Variants in CTNNA2 observed in about 807,000 individuals in gnomAD.
CTNNA2 encodes the protein catenin alpha-2.
In CTNNA2, 42 loss-of-function variants were observed where a neutral mutation model predicts 101.0. The ratio of observed to expected loss-of-function variants is 0.42; its 90% CI spans 0.32 to 0.54. The LOEUF (loss-of-function observed/expected upper bound fraction) is 0.54. CTNNA2 is among the 20% of genes least tolerant of loss of function. The probability of loss-of-function intolerance (pLI) is 0.14; values close to 1 mark genes in which losing one functional copy is unlikely to be tolerated. For synonymous variants in CTNNA2, 450 were observed against 456.4 expected (o/e 0.99, Z 0.18); for missense variants, 871 against 1,223.1 (o/e 0.71, Z 4.29).
chr2:79,418,675 G>A (rs1678509004), intron 4 of CTNNA2, among the ~76,000 whole-genome samples: 1 of 152,000 alleles, frequency 6.6e-6, no homozygotes, highest in South Asian at 2.1e-4. Context: ...CTTTCTCTCT[G>A]CCGTCATCTG....
chr2:80,626,227 C>T lies in CTNNA2; in HGVS notation c.2574+6999C>T, dbSNP rs115952957. On this transcript the variant is annotated intron_variant, in intron 18 of 18. Transcript: ENST00000402739. The stretch of plus-strand genomic sequence containing the variant: ...TACAACTAGAGTTATTTCTCTCTCA[C>T]ATGGAATACATCTGTCTGTAGTTCA... 7.7e-3 allele frequency among the ~76,000 whole-genome samples: 1,179 copies of T among 152,194 alleles called. 18 individuals are homozygous for T. Among genetic ancestry groups the T allele is most frequent in the African/African-American group, 0.028 (1,144 of 41,526 alleles).
intron 2 of CTNNA2, among the ~76,000 whole-genome samples, chr2:79,687,295 A>T (rs1558838480): frequency 6.6e-6 from 1 of 152,148 alleles, no homozygotes; most frequent in Non-Finnish European, 1.5e-5. Context: ...TACTCAAAAT[A>T]GTATTGTCTT....
intron 7 of CTNNA2, among the ~76,000 whole-genome samples, chr2:80,318,921 C>A (rs1678402226): frequency 6.6e-6 from 1 of 152,132 alleles, no homozygotes; most frequent in African/African-American, 2.4e-5. Context: ...TTGGCAGTAT[C>A]AGAATGATCC....
rs199797042 is a variant in CTNNA2 at position 80,306,444 on chromosome 2, CTTTCTT to C, written c.1057-86765_1057-86760del. Among the ~76,000 whole-genome samples the C allele has an allele frequency of 1.9e-3, 257 of 136,992 alleles. 5 individuals are homozygous for C. In the East Asian group the frequency reaches 0.033, roughly 18 times the overall value. 89.9% of individuals were successfully genotyped at this position (136,992 alleles called of 152,430 possible). A position where few individuals can be genotyped will look rare whatever the true frequency, so the allele number is the denominator to read the frequency against. ...TCTTTCTTTCTTTCTTTCTTTCTTT[CTTTCTT>C]TCTCTCTCTCTCTTTCTTTCTTTCT... On this transcript the variant is annotated intron_variant, in intron 7 of 18. Coordinates refer to ENST00000402739, the MANE Select transcript of CTNNA2 (RefSeq NM_001282597.3).
rs530687551 is a variant in CTNNA2, at chr2:80,183,691, C to A, written c.1057-209520C>A. On this transcript the variant is annotated intron_variant, in intron 7 of 18. Transcript: ENST00000402739. ...TCTGCCAAAGCACATTGTATATTAT[C>A]ATTCAGATGCAAAATAATTTATGGC... Among the ~76,000 whole-genome samples the A allele has an allele frequency of 2.0e-5, 3 of 152,296 alleles. No homozygotes were observed. In the South Asian group the frequency reaches 6.2e-4, roughly 32 times the overall value.
intron 9 of CTNNA2, among the ~76,000 whole-genome samples, chr2:80,468,694 G>C (rs1685057015): frequency 6.6e-6 from 1 of 152,178 alleles, no homozygotes; most frequent in Admixed American, 6.5e-5. Context: ...GGGATTACAG[G>C]TGTGAGCCAC....
At chr2:80,591,457 G>GTTTTTTTTTTTTTTTT (rs567131551) in intron 15 of CTNNA2, among the ~76,000 whole-genome samples, 4,706 of 70,182 alleles carry the variant, frequency 0.067, 1,023 homozygotes, top group Non-Finnish European at 0.1. Flanking sequence ...TGCACAGCCT[G>GTTTTTTTTTTTTTTTT]TTTTTTTTTT....
chr2:79,577,597 A>T (rs1274536847), intron 1 of CTNNA2, among the ~76,000 whole-genome samples: 3 of 151,530 alleles, frequency 2.0e-5, no homozygotes, highest in African/African-American at 4.8e-5. Flanking sequence ...TCCATTCTAA[A>T]TTTTTTTTTG....
At chr2:80,601,352 C>G (rs1475225401) in intron 15 of CTNNA2, among the ~76,000 whole-genome samples, 2 of 148,850 alleles carry the variant, frequency 1.3e-5, no homozygotes, top group Admixed American at 1.4e-4. Context: ...AGATTATCTT[C>G]TCTTTAAAGG....
At chr2:79,317,548 A>G (rs1188421828) in intron 3 of CTNNA2, among the ~76,000 whole-genome samples, 1 of 152,040 alleles carries the variant, frequency 6.6e-6, no homozygotes, top group African/African-American at 2.4e-5. Context: ...AACTGAATTG[A>G]TTTGGTGGAC....
At chr2:79,271,447 G>C (rs1675081255) in intron 2 of CTNNA2, among the ~76,000 whole-genome samples, 1 of 152,092 alleles carries the variant, frequency 6.6e-6, no homozygotes, top group African/African-American at 2.4e-5. Flanking sequence ...ACTGGCCATA[G>C]CACAGGGACA....
intron 7 of CTNNA2, among the ~76,000 whole-genome samples, chr2:79,980,023 A>G (rs1183229243): frequency 6.6e-6 from 1 of 152,190 alleles, no homozygotes; most frequent in Non-Finnish European, 1.5e-5. Context: ...ATCTCTAAGT[A>G]TCTAAGACTC....
At chr2:80,562,242 G>C (rs967273024) in intron 12 of CTNNA2, among the ~76,000 whole-genome samples, 14 of 150,172 alleles carry the variant, frequency 9.3e-5, no homozygotes, top group African/African-American at 3.4e-4. Flanking sequence ...TGAATGATGT[G>C]TTCTCCCACA....
chr2:79,618,944 G>A (rs1036357701), intron 1 of CTNNA2, among the ~76,000 whole-genome samples: 3 of 152,172 alleles, frequency 2.0e-5, no homozygotes, highest in African/African-American at 7.2e-5. Context: ...GGTGGCTCAC[G>A]CCTGTAATCC....
chr2:80,189,579 A>G (rs1489014700), intron 7 of CTNNA2, among the ~76,000 whole-genome samples: 6 of 152,188 alleles, frequency 3.9e-5, no homozygotes, highest in African/African-American at 1.4e-4. Flanking sequence ...GTCTAAGCCT[A>G]TTATTTTCCT....
intron 4 of CTNNA2, among the ~76,000 whole-genome samples, chr2:79,503,083 C>A (rs967170889): frequency 1.3e-5 from 2 of 152,172 alleles, no homozygotes; most frequent in Non-Finnish European, 2.9e-5. Flanking sequence ...GGAGACCAGG[C>A]AACCACCTGG....
Position 79,829,685 on chromosome 2 carries a change from T to TTTTC in CTNNA2, c.299-28321_299-28318dup, listed in dbSNP as rs200637939. On this transcript the variant is annotated intron_variant, in intron 3 of 18. Transcript: ENST00000402739. ...GCGTATTCCTCGTAGGGAGATTTCT[T>TTTTC]TTTCTTTCTTATTTATTTATTTATT... is the stretch of plus-strand genomic sequence containing the variant. Among the ~76,000 whole-genome samples the TTTTC allele has an allele frequency of 7.8e-3, 1,155 of 147,200 alleles. 12 individuals carry two copies. Among genetic ancestry groups the TTTTC allele is most frequent in the African/African-American group, 0.026 (1,057 of 40,534 alleles).
intron 7 of CTNNA2, among the ~76,000 whole-genome samples, chr2:79,949,817 C>T (rs1186154150): frequency 6.6e-6 from 1 of 152,114 alleles, no homozygotes; most frequent in Admixed American, 6.6e-5. Flanking sequence ...TTCTAAAATA[C>T]TTGATAGTGC....
chr2:79,507,270 A>G (rs1671433436), intron 5 of CTNNA2, among the ~76,000 whole-genome samples: 2 of 152,210 alleles, frequency 1.3e-5, no homozygotes, highest in Non-Finnish European at 2.9e-5. Context: ...TGCGGTTTGA[A>G]TGTGTCCCTT....
Sources: allele counts gnomAD v4.1 joint callset (sites outside exome capture counted in the v4.1 genomes callset), GRCh38; gene constraint gnomAD v4.1.1; transcripts MANE v1.5; gene names NCBI Gene and HGNC (gene_info 2026-07-23, HGNC 2026-07-21).